Variants in ATG7 observed in about 807,000 individuals in gnomAD.
The protein encoded by ATG7 is autophagy related 7.
In ATG7, 70 loss-of-function variants were observed where a neutral mutation model predicts 82.4. The ratio of observed to expected loss-of-function variants is 0.85; its 90% CI spans 0.70 to 1.04. The LOEUF is 1.04. Ranked by LOEUF, ATG7 falls within the 50% of genes least tolerant of loss-of-function variation. ATG7 has a pLI of 0.00. For missense variants in ATG7, 792 were observed against 864.3 expected, an observed-to-expected ratio of 0.92 and a Z score of 1.05; for synonymous variants, 287 against 313.0, an observed-to-expected ratio of 0.92 and a Z score of 0.88.
chr3:11,399,068 C>G (rs2152891052), intron 19 of ATG7, among the ~76,000 whole-genome samples: 1 of 152,170 alleles, frequency 6.6e-6, no homozygotes, highest in East Asian at 1.9e-4. Context: ...CAGATGCAGG[C>G]TGGGCGCAGT....
intron 9 of ATG7, among the ~76,000 whole-genome samples, chr3:11,328,495 C>T (rs547850902): frequency 1.1e-4 from 16 of 151,874 alleles, no homozygotes; most frequent in South Asian, 8.3e-4. Flanking sequence ...GTTTAAGAAA[C>T]GAACATGCAT....
chr3:11,482,196 T>C (rs2443716), intron 20 of ATG7, among the ~76,000 whole-genome samples: 112,962 of 152,152 alleles, frequency 0.74, 42,712 homozygotes, highest in East Asian at 0.97. Context: ...TGATGTTCTG[T>C]GAGAAGGGGA....
intron 20 of ATG7, among the ~76,000 whole-genome samples, chr3:11,524,805 C>A (rs540786393): frequency 1.2e-4 from 18 of 150,068 alleles, no homozygotes; most frequent in Admixed American, 2.0e-4. Flanking sequence ...AAAACAAAAA[C>A]AAAAAAAAAC....
rs781382076 is a variant in ATG7, at chr3:11,555,190, G to A, written c.*347G>A. The A allele has an allele frequency of 1.1e-5, 3 of 271,000 alleles. No homozygotes were observed. Among genetic ancestry groups the A allele is most frequent in the African/African-American group, 4.4e-5 (2 of 45,178 alleles). 16.8% of individuals were successfully genotyped at this position (271,000 alleles called of 1,614,324 possible). A position where few individuals can be genotyped will look rare whatever the true frequency, so the allele number is the denominator to read the frequency against. On this transcript the variant is annotated 3_prime_UTR_variant, in exon 21 of 21. Transcript: ENST00000693202. ...GGGTGACCCAACACAGACCAAATGG[G>A]GAAATGAGCAACCAGCTCCTGCCCA...
At chr3:11,463,179 C>T (rs1437849183) in intron 20 of ATG7, among the ~76,000 whole-genome samples, 1 of 151,868 alleles carries the variant, frequency 6.6e-6, no homozygotes, top group East Asian at 1.9e-4. Context: ...GCCACCATGC[C>T]CGGCCCCTCT....
At chr3:11,537,884 C>T (rs1430407553) in intron 20 of ATG7, among the ~76,000 whole-genome samples, 1 of 152,054 alleles carries the variant, frequency 6.6e-6, no homozygotes, top group African/African-American at 2.4e-5. Flanking sequence ...CTGGTAGAGC[C>T]CGGATCCAAA....
chr3:11,407,635 A>G (rs774624349), intron 19 of ATG7, among the ~76,000 whole-genome samples: 4 of 152,244 alleles, frequency 2.6e-5, no homozygotes, highest in Non-Finnish European at 5.9e-5. Context: ...ATCTTCTGAA[A>G]TCTAGGCATA....
At chr3:11,546,022 C>A (rs148667986) in intron 20 of ATG7, among the ~76,000 whole-genome samples, 2,425 of 152,208 alleles carry the variant, frequency 0.016, 66 homozygotes, top group African/African-American at 0.055. Context: ...CCTGTAGTCC[C>A]AACTACTAAG....
chr3:11,331,155 A>T (rs1455627423), intron 9 of ATG7, among the ~76,000 whole-genome samples, 185 bp from the exon 10 acceptor site: 9 of 152,202 alleles, frequency 5.9e-5, no homozygotes, highest in Admixed American at 5.9e-4. Flanking sequence ...CCCTGCTATC[A>T]AGAAGTTCTG....
intron 19 of ATG7, among the ~76,000 whole-genome samples, chr3:11,423,150 T>C (rs2082079066): frequency 6.6e-6 from 1 of 152,182 alleles, no homozygotes; most frequent in Non-Finnish European, 1.5e-5. Context: ...ACATTCAGTA[T>C]TGTTTTGTTG....
In ATG7 at chr3:11,488,662, A is replaced by G. The variant is rs189836819; in HGVS notation, c.2079+61736A>G. Among the ~76,000 whole-genome samples, 550 of 152,246 alleles carry G rather than the reference A, an allele frequency of 3.6e-3. 6 individuals are homozygous for G. Among genetic ancestry groups the G allele is most frequent in the Non-Finnish European group, 5.8e-3 (395 of 67,980 alleles). On this transcript the variant is annotated intron_variant, in intron 20 of 20. Transcript: ENST00000693202. ...TCCGGCGCCGTGACCTCCTCTCAAGATGTGAATGATTCTTCTGGTTCTGTT... is the reference window on the plus strand; with the variant it reads ...TCCGGCGCCGTGACCTCCTCTCAAGGTGTGAATGATTCTTCTGGTTCTGTT...
chr3:11,503,543 A>G (rs375525124), intron 20 of ATG7, among the ~76,000 whole-genome samples: 54 of 152,052 alleles, frequency 3.6e-4, no homozygotes, highest in African/African-American at 1.3e-3. Flanking sequence ...CAGATCACGA[A>G]GTCAGGAGGT....
At chr3:11,423,683 ACT>A (rs2082128917) in intron 19 of ATG7, among the ~76,000 whole-genome samples, 2 of 151,002 alleles carry the variant, frequency 1.3e-5, no homozygotes, top group African/African-American at 4.9e-5. Flanking sequence ...CCTGGGCTTG[ACT>A]CTACGCACGT....
At chr3:11,549,670 T>C (rs1239462768) in intron 20 of ATG7, among the ~76,000 whole-genome samples, 1 of 152,242 alleles carries the variant, frequency 6.6e-6, no homozygotes, top group African/African-American at 2.4e-5. Context: ...TTCTAGTTTG[T>C]ACCTATTCTG....
At chr3:11,347,483 T>C (rs929250214) in intron 13 of ATG7, among the ~76,000 whole-genome samples, 12 of 152,040 alleles carry the variant, frequency 7.9e-5, no homozygotes, top group Non-Finnish European at 2.9e-5. Flanking sequence ...GCTTCAAGAG[T>C]AGTTGTTATT....
At chr3:11,310,386 C>T (rs984752151) in intron 7 of ATG7, among the ~76,000 whole-genome samples, 3 of 152,206 alleles carry the variant, frequency 2.0e-5, no homozygotes, top group Admixed American at 6.5e-5. Context: ...CCTTCCCCGA[C>T]CTCCCACCGT....
chr3:11,525,320 T>C (rs1355331442), intron 20 of ATG7, among the ~76,000 whole-genome samples: 2 of 151,506 alleles, frequency 1.3e-5, no homozygotes, highest in Admixed American at 6.6e-5. Context: ...TATGAGCCAC[T>C]GTACCCAGCC....
At chr3:11,519,569 T>G (rs1304294983) in intron 20 of ATG7, among the ~76,000 whole-genome samples, 1 of 108,630 alleles carries the variant, frequency 9.2e-6, no homozygotes, top group Non-Finnish European at 1.8e-5. Flanking sequence ...TTTTTTTTTT[T>G]TTTTTTTTGA....
chr3:11,382,010 C>T (rs939465935), intron 19 of ATG7, among the ~76,000 whole-genome samples: 1 of 152,152 alleles, frequency 6.6e-6, no homozygotes, highest in Non-Finnish European at 1.5e-5. Flanking sequence ...ACATGTTATA[C>T]AGAGTCATGT....
Sources: gnomAD v4.1 joint callset for allele counts (sites outside exome capture counted in the v4.1 genomes callset) on GRCh38, gnomAD v4.1.1 for gene constraint, MANE v1.5 for transcripts, NCBI Gene and HGNC (gene_info 2026-07-23, HGNC 2026-07-21) for gene names.